Variants in DEUP1 observed in about 807,000 individuals in gnomAD.
DEUP1 encodes the protein coiled-coil domain containing 67.
A neutral mutation model predicts 87.4 loss-of-function variants in DEUP1; 82 were observed. The ratio of observed to expected loss-of-function variants is 0.94; its 90% CI spans 0.78 to 1.13. The LOEUF is 1.13. Among genes scored for constraint, DEUP1 ranks in the 50% most tolerant of loss-of-function variants. The pLI is 0.00. For missense variants in DEUP1, 663 were observed against 681.5 expected (o/e 0.97, Z 0.30); for synonymous variants, 214 against 222.7 (o/e 0.96, Z 0.35).
rs564346982 is a variant in DEUP1, at chr11:93,366,323, G to C, written c.432+2029G>C. 1.3e-3 allele frequency among the ~76,000 whole-genome samples: 198 copies of C among 152,246 alleles called. 1 individual carries two copies. The highest frequency in any genetic ancestry group is 4.6e-3 in the African/African-American group (190 of 41,544). ...TACAGGTGAAGGTCTCCAACATATA[G>C]TAATCACTAAAGACCATCTCCAATA... On this transcript the variant is annotated intron_variant, in intron 5 of 13. Transcript: ENST00000298050.
At chr11:93,342,640 G>A (rs909101064) in intron 2 of DEUP1, among the ~76,000 whole-genome samples, 2 of 152,196 alleles carry the variant, frequency 1.3e-5, no homozygotes, top group Admixed American at 1.3e-4. Context: ...GGCAGACTGG[G>A]AAATGTGGTT....
intron 13 of DEUP1, among the ~76,000 whole-genome samples, chr11:93,434,945 C>T (rs1948199912): frequency 6.6e-6 from 1 of 152,128 alleles, no homozygotes; most frequent in Non-Finnish European, 1.5e-5. Context: ...CGTCCCAAAG[C>T]TCTATCATGT....
intron 12 of DEUP1, among the ~76,000 whole-genome samples, chr11:93,410,539 C>T (rs138968637): frequency 2.6e-5 from 4 of 152,068 alleles, no homozygotes; most frequent in Non-Finnish European, 4.4e-5. Flanking sequence ...TGCCTCATTG[C>T]GAGAGAAAAG....
At chr11:93,368,670 C>T (rs1945545149) in intron 5 of DEUP1, among the ~76,000 whole-genome samples, 1 of 152,196 alleles carries the variant, frequency 6.6e-6, no homozygotes, top group Non-Finnish European at 1.5e-5. Flanking sequence ...GGCGCAGTGG[C>T]TCACGCCTGT....
At chr11:93,375,424 C>T (rs889836435) in intron 7 of DEUP1, among the ~76,000 whole-genome samples, 4 of 152,084 alleles carry the variant, frequency 2.6e-5, no homozygotes, top group Non-Finnish European at 2.9e-5. Context: ...GTGGGTTTGT[C>T]GTAGATGGCT....
At chr11:93,412,712 TTTCACCG>T (rs1233307095) in intron 12 of DEUP1, among the ~76,000 whole-genome samples, 3 of 152,192 alleles carry the variant, frequency 2.0e-5, no homozygotes, top group Non-Finnish European at 4.4e-5. Flanking sequence ...ACTAATTTTT[TTTCACCG>T]TGCTTTGAAG....
intron 2 of DEUP1, chr11:93,352,327 T>C (rs1944666191): frequency 1.4e-6 from 1 of 702,302 alleles, no homozygotes; most frequent in Non-Finnish European, 2.6e-6. Context: ...CCTCAATAAC[T>C]ACCTGCTTAT....
intron 7 of DEUP1, among the ~76,000 whole-genome samples, chr11:93,380,681 G>C (rs931164021): frequency 5.9e-5 from 9 of 152,118 alleles, no homozygotes; most frequent in African/African-American, 2.2e-4. Flanking sequence ...GGGATTACAG[G>C]AGTGAGCCAC....
chr11:93,355,590 A>G (rs1944857254), intron 3 of DEUP1, 48 bp downstream of exon 3: 4 of 1,478,206 alleles, frequency 2.7e-6, no homozygotes, highest in South Asian at 1.3e-5. Context: ...AGACTGTTAC[A>G]TATAGTATTC....
At chr11:93,417,630 C>T (rs1947691210) in intron 13 of DEUP1, among the ~76,000 whole-genome samples, 1 of 151,862 alleles carries the variant, frequency 6.6e-6, no homozygotes, top group Non-Finnish European at 1.5e-5. Flanking sequence ...GATTCAGTGC[C>T]ATCCCCATCA....
In DEUP1 at chr11:93,419,831, TAAAC is replaced by T. The variant is rs1465748131; in HGVS notation, c.1638+4721_1638+4724del. On this transcript the variant is annotated intron_variant, in intron 13 of 13. Coordinates refer to ENST00000298050, the MANE Select transcript of DEUP1 (RefSeq NM_181645.4). The stretch of plus-strand genomic sequence containing the variant: ...CCATTTTCTGGGAAAAAAATAAAAA[TAAAC>T]AAAACACCTTCAAAAAAATAATAAA... Among the ~76,000 whole-genome samples the T allele has an allele frequency of 3.4e-5, 5 of 147,434 alleles. No homozygotes were observed. The East Asian group carries it at 9.9e-4, about 29-fold the overall frequency.
In DEUP1 at chr11:93,394,620, A is replaced by C. The variant is rs1946877660; in HGVS notation, c.1203A>C (p.Glu401Asp). Reference protein sequence around the residue: ...AALLEKQLKMELEIKEKMLAK... With the variant: ...AALLEKQLKMDLEIKEKMLAK... ...TTCTGGAAAAACAGTTAAAAATGGAATTAGAAATAAAAGAAAAAATGTTAG... is the reference window on the plus strand; with the variant it reads ...TTCTGGAAAAACAGTTAAAAATGGACTTAGAAATAAAAGAAAAAATGTTAG... Residue 401 changes from glutamate (E) to aspartate (D), a missense_variant, in exon 10 of 14, where the codon GAA (glutamate) becomes GAC (aspartate). Coordinates refer to ENST00000298050, the MANE Select transcript of DEUP1 (RefSeq NM_181645.4). 1 of 1,611,742 alleles carries C rather than the reference A, an allele frequency of 6.2e-7. No homozygotes were observed. Among genetic ancestry groups the C allele is most frequent in the Admixed American group, 1.7e-5 (1 of 59,558 alleles).
At chr11:93,354,663 G>A (rs144697667) in intron 2 of DEUP1, among the ~76,000 whole-genome samples, 2,091 of 152,258 alleles carry the variant, frequency 0.014, 50 homozygotes, top group African/African-American at 0.047. Flanking sequence ...AAGAGAAAAT[G>A]AGGAAGAAGC....
chr11:93,374,083 T>C (rs1035917715), intron 7 of DEUP1, among the ~76,000 whole-genome samples: 6 of 152,242 alleles, frequency 3.9e-5, no homozygotes, highest in Admixed American at 3.9e-4. Context: ...GTATATCTTC[T>C]TTTGAGAATT....
chr11:93,358,219 T>G (rs1437848919), intron 4 of DEUP1, among the ~76,000 whole-genome samples: 3 of 152,198 alleles, frequency 2.0e-5, no homozygotes, highest in Non-Finnish European at 4.4e-5. Flanking sequence ...TTGGGTATGT[T>G]TTCATCGTGT....
chr11:93,371,139 T>A lies in DEUP1; in HGVS notation c.648T>A (p.Asn216Lys), dbSNP rs770819634. 3.1e-6 allele frequency: 5 copies of A among 1,613,312 alleles called. No homozygotes were observed. The highest frequency in any genetic ancestry group is 4.2e-6 in the Non-Finnish European group (5 of 1,179,566). The change falls in exon 7 of 14, where the codon AAT becomes AAA. Residue 216 changes from asparagine (N) to lysine (K), a missense_variant. Coordinates refer to ENST00000298050, the MANE Select transcript of DEUP1 (RefSeq NM_181645.4). Reference protein sequence around the residue: ...IPRLICDPDPNCEINERDEFI... With the variant: ...IPRLICDPDPKCEINERDEFI... Reference sequence around the variant, plus strand: ...GTTTGATATGTGACCCAGATCCCAATTGTGAAATCAATGAAAGAGATGAGT... The same window carrying A: ...GTTTGATATGTGACCCAGATCCCAAATGTGAAATCAATGAAAGAGATGAGT...
At chr11:93,430,557 T>G (rs1256052894) in intron 13 of DEUP1, among the ~76,000 whole-genome samples, 1 of 152,112 alleles carries the variant, frequency 6.6e-6, no homozygotes, top group East Asian at 1.9e-4. Context: ...TGAAACAATG[T>G]AGATTGGTGG....
chr11:93,416,042 G>A (rs1947611927), intron 13 of DEUP1, among the ~76,000 whole-genome samples: 1 of 152,122 alleles, frequency 6.6e-6, no homozygotes, highest in Admixed American at 6.6e-5. Flanking sequence ...CATAGGATAT[G>A]AATATGGTCA....
At chr11:93,353,271 C>T (rs908505283) in intron 2 of DEUP1, among the ~76,000 whole-genome samples, 1 of 152,210 alleles carries the variant, frequency 6.6e-6, no homozygotes, top group African/African-American at 2.4e-5. Context: ...TCTCCTATGA[C>T]TTCAGGTCTC....
Sources: allele counts gnomAD v4.1 joint callset (sites outside exome capture counted in the v4.1 genomes callset), GRCh38; gene constraint gnomAD v4.1.1; transcripts MANE v1.5; gene names NCBI Gene and HGNC (gene_info 2026-07-23, HGNC 2026-07-21).